The following THOC2 variants were observed in gnomAD, a reference collection of about 807,000 sequenced individuals.
THOC2 encodes the protein THO complex subunit 2.
A neutral mutation model predicts 128.4 loss-of-function variants in THOC2; 10 were observed. The ratio of observed to expected loss-of-function variants is 0.08; its 90% CI spans 0.05 to 0.13. THOC2 has a LOEUF of 0.13. Ranked by LOEUF, THOC2 falls within the 10% of genes least tolerant of loss-of-function variation. The pLI, the probability that THOC2 is intolerant of heterozygous loss-of-function variation, is 1.00. For missense variants in THOC2, 535 were observed against 1,155.7 expected (o/e 0.46, Z 7.79); for synonymous variants, 393 against 396.9 (o/e 0.99, Z 0.12).
At chrX:123,695,892 C>A in intron 7 of THOC2, 129 bp downstream of exon 7, 1 of 411,453 alleles carries the variant, frequency 2.4e-6, no homozygotes, top group Non-Finnish European at 4.1e-6. Flanking sequence ...AAAAGCTAAA[C>A]ACCTCTCCCA....
At chrX:123,607,965 T>G (rs2046541032) in intron 38 of THOC2, among the ~76,000 whole-genome samples, 1 of 110,391 alleles carries the variant, frequency 9.1e-6, no homozygotes, top group Non-Finnish European at 1.9e-5. Flanking sequence ...AAAGAAACTA[T>G]CAGCCAGGCA....
intron 1 of THOC2, among the ~76,000 whole-genome samples, chrX:123,713,860 A>G (rs1441342095): frequency 9.0e-6 from 1 of 110,520 alleles, no homozygotes; most frequent in Non-Finnish European, 1.9e-5. Context: ...AAAAAGGAAA[A>G]AAGAAAAGAA....
rs988135168 is a variant in THOC2 at position 123,632,770 on chromosome X, G to C, written c.2316+91C>G. ...AGGATGTCTCATATTCAAATGATGT[G>C]CAAAAATGACATTTTTCAAATTATA... On this transcript the variant is annotated intron_variant, in intron 21 of 38. Coordinates refer to ENST00000245838, the MANE Select transcript of THOC2 (RefSeq NM_001081550.2). 5.3e-6 allele frequency: 4 copies of C among 754,993 alleles called. No homozygotes were observed. In the African/African-American group the frequency reaches 8.5e-5, roughly 16 times the overall value. 62.2% of individuals were successfully genotyped at this position (754,993 alleles called of 1,213,427 possible).
intron 33 of THOC2, among the ~76,000 whole-genome samples, chrX:123,615,860 C>A (rs1248466706): frequency 9.0e-6 from 1 of 111,041 alleles, no homozygotes; most frequent in Non-Finnish European, 1.9e-5. Flanking sequence ...CAATTCAATT[C>A]CTTCTTTAGA....
At chrX:123,679,646 C>T (rs1296608104) in intron 8 of THOC2, among the ~76,000 whole-genome samples, 1 of 112,084 alleles carries the variant, frequency 8.9e-6, no homozygotes, top group African/African-American at 3.2e-5. Context: ...TACTCAGATC[C>T]ATGTGGGGAA....
chrX:123,673,509 A>G (rs1569408167), intron 8 of THOC2, among the ~76,000 whole-genome samples: 1 of 111,412 alleles, frequency 9.0e-6, no homozygotes, highest in Non-Finnish European at 1.9e-5. Context: ...CACCAGGGCC[A>G]CATTCATTAC....
At chrX:123,617,433 T>G (rs759992644) in intron 33 of THOC2, among the ~76,000 whole-genome samples, 10 of 111,296 alleles carry the variant, frequency 9.0e-5, no homozygotes, top group African/African-American at 3.3e-4. Context: ...CTTGAATCAC[T>G]GTAATTTTTA....
intron 2 of THOC2, among the ~76,000 whole-genome samples, chrX:123,710,140 C>T (rs771314546): frequency 1.8e-5 from 2 of 111,896 alleles, no homozygotes; most frequent in Non-Finnish European, 3.8e-5. Context: ...CTCAAACCAA[C>T]GCCTGCCTGT....
At chrX:123,677,332 C>T (rs1335308683) in intron 8 of THOC2, among the ~76,000 whole-genome samples, 1 of 110,902 alleles carries the variant, frequency 9.0e-6, no homozygotes, top group Non-Finnish European at 1.9e-5. Flanking sequence ...CATTGCTGTA[C>T]ACTACTATAT....
Position 123,625,912 on chromosome X carries a change from T to C in THOC2, c.3057A>G (p.Arg1019=). The C allele has an allele frequency of 8.3e-7, 1 of 1,205,462 alleles. No individual in the cohort carries two copies. The highest frequency in any genetic ancestry group is 1.1e-6 in the Non-Finnish European group (1 of 893,358). The change falls in exon 25 of 39, where the codon CGA becomes CGG. Residue 1019 remains arginine, a splice_region_variant and synonymous_variant. Coordinates refer to ENST00000245838, the MANE Select transcript of THOC2 (RefSeq NM_001081550.2). ...TTTAAAGGTTGCAATAAAAACTTAC[T>C]CGATCATAGCAAAGAAGTGTGGAAA... The part of the protein sequence containing the change: ...PNFSTLLCYD[R]VFSDIIYTVA...
chrX:123,680,506 C>T (rs1176139389), intron 8 of THOC2, among the ~76,000 whole-genome samples: 1 of 109,894 alleles, frequency 9.1e-6, no homozygotes, highest in Admixed American at 9.7e-5. Flanking sequence ...GTATGCTGAA[C>T]GCCGGTCCCC....
In THOC2 at chrX:123,622,719, A is replaced by C. The variant is rs761653607; in HGVS notation, c.3785+39T>G. On this transcript the variant is annotated intron_variant, in intron 30 of 38. Transcript: ENST00000245838. The stretch of plus-strand genomic sequence containing the variant: ...AAAATACATAAAAATCATTTTTAAA[A>C]AGAATTTAGAATTATGACACATGGC... The C allele has an allele frequency of 2.6e-5, 25 of 958,462 alleles. No homozygotes were observed. In the African/African-American group the frequency reaches 4.9e-4, roughly 19 times the overall value. 79.0% of individuals were successfully genotyped at this position (958,462 alleles called of 1,213,427 possible). A position where few individuals can be genotyped will look rare whatever the true frequency, so the allele number is the denominator to read the frequency against.
At chrX:123,605,112 T>TA (rs2046419204) in intron 38 of THOC2, among the ~76,000 whole-genome samples, 1 of 111,837 alleles carries the variant, frequency 8.9e-6, no homozygotes, top group Non-Finnish European at 1.9e-5. Flanking sequence ...TCCACGTGGA[T>TA]AAAATGTAAC....
intron 8 of THOC2, among the ~76,000 whole-genome samples, chrX:123,677,871 CAAA>C (rs1179685021): frequency 1.0e-4 from 3 of 29,391 alleles, no homozygotes; most frequent in African/African-American, 1.2e-4. Flanking sequence ...AACTCCGTCG[CAAA>C]AAAAAAAAAA....
In THOC2 at chrX:123,646,793, G is replaced by A. The variant is rs191970686; in HGVS notation, c.1387-1418C>T. ...TGGCAGAAAAAAGCCAGATGGTTTG[G>A]TTTGGTTTCGGGGTGGTAAGGTAGC... On this transcript the variant is annotated intron_variant, in intron 12 of 38. Transcript: ENST00000245838. Among the ~76,000 whole-genome samples, 321 of 111,793 alleles carry A rather than the reference G, an allele frequency of 2.9e-3. 1 individual carries two copies. The highest frequency in any genetic ancestry group is 5.0e-3 in the Non-Finnish European group (265 of 53,177).
intron 1 of THOC2, among the ~76,000 whole-genome samples, chrX:123,731,908 G>A (rs746260053): frequency 8.9e-6 from 1 of 111,904 alleles, no homozygotes; most frequent in East Asian, 2.8e-4. Flanking sequence ...GGGTGGGCAA[G>A]GACGACAAAA....
At chrX:123,621,070 T>G in intron 31 of THOC2, 87 bp downstream of exon 31, 4 of 1,175,388 alleles carry the variant, frequency 3.4e-6, no homozygotes, top group Non-Finnish European at 4.6e-6. Flanking sequence ...GCAAAACCCC[T>G]ATATAACTTA....
At chrX:123,606,971 C>T (rs1443154413) in intron 38 of THOC2, among the ~76,000 whole-genome samples, 1 of 110,827 alleles carries the variant, frequency 9.0e-6, no homozygotes, top group Non-Finnish European at 1.9e-5. Flanking sequence ...AACTCAACAT[C>T]CCTGAGTTGA....
intron 1 of THOC2, among the ~76,000 whole-genome samples, chrX:123,727,429 G>A (rs1178145124): frequency 9.0e-6 from 1 of 110,771 alleles, no homozygotes; most frequent in Non-Finnish European, 1.9e-5. Context: ...CCTGCCTAAT[G>A]GTTTTAGGTC....
Sources: gnomAD v4.1 joint callset for allele counts (sites outside exome capture counted in the v4.1 genomes callset) on GRCh38, gnomAD v4.1.1 for gene constraint, MANE v1.5 for transcripts, NCBI Gene and HGNC (gene_info 2026-07-23, HGNC 2026-07-21) for gene names.